Variants in HDAC9 observed in about 807,000 individuals in gnomAD.
HDAC9 encodes MEF-2 interacting transcription repressor (MITR) protein.
HDAC9 carries 41 observed loss-of-function variants against 139.4 expected under a neutral mutation model. That is an observed-to-expected ratio of 0.29 (90% confidence interval 0.23 to 0.38). The LOEUF (loss-of-function observed/expected upper bound fraction) is 0.38. HDAC9 is among the 10% of genes least tolerant of loss of function. The probability of loss-of-function intolerance (pLI) is 1.00; values close to 1 mark genes in which losing one functional copy is unlikely to be tolerated. For synonymous variants in HDAC9, 517 were observed against 476.2 expected, an observed-to-expected ratio of 1.09 and a Z score of -1.12; for missense variants, 1,147 against 1,297.0, an observed-to-expected ratio of 0.88 and a Z score of 1.78.
At chr7:18,653,239 C>CA (rs397971219) in intron 11 of HDAC9, among the ~76,000 whole-genome samples, 30,994 of 81,852 alleles carry the variant, frequency 0.38, 4,748 homozygotes, top group East Asian at 0.62. Flanking sequence ...AACTCCATCT[C>CA]AAAAAAAAAA....
At chr7:18,987,349 G>A (rs1272605111) in intron 25 of HDAC9, among the ~76,000 whole-genome samples, 1 of 152,166 alleles carries the variant, frequency 6.6e-6, no homozygotes, top group African/African-American at 2.4e-5. Flanking sequence ...CTTTGGTTCT[G>A]TTTATATGCT....
chr7:18,186,441 G>T (rs939821682), intron 2 of HDAC9, among the ~76,000 whole-genome samples: 2 of 152,210 alleles, frequency 1.3e-5, no homozygotes, highest in African/African-American at 4.8e-5. Flanking sequence ...GTGCTTTCTG[G>T]TGCTGGTTGG....
At chr7:18,756,490 T>C (rs1788888537) in intron 14 of HDAC9, among the ~76,000 whole-genome samples, 1 of 152,232 alleles carries the variant, frequency 6.6e-6, no homozygotes, top group Admixed American at 6.5e-5. Flanking sequence ...TCAGGTTTCC[T>C]GTTTGGCCTC....
chr7:18,855,251 A>T (rs1797590629), intron 21 of HDAC9, among the ~76,000 whole-genome samples: 1 of 152,114 alleles, frequency 6.6e-6, no homozygotes, highest in Admixed American at 6.6e-5. Context: ...TTTTCCAAAT[A>T]TACACCCCCT....
chr7:18,844,594 CTT>C (rs1369918012), intron 21 of HDAC9, among the ~76,000 whole-genome samples: 1 of 152,086 alleles, frequency 6.6e-6, no homozygotes. Context: ...GTTCTTAACT[CTT>C]TTAAAATTAA....
intron 1 of HDAC9, among the ~76,000 whole-genome samples, chr7:18,088,760 A>G (rs1181435875): frequency 1.3e-5 from 2 of 152,242 alleles, no homozygotes; most frequent in Non-Finnish European, 2.9e-5. Context: ...CCACTGTTCC[A>G]GTTTGGACCA....
chr7:18,816,297 A>G lies in HDAC9; in HGVS notation c.2323-12864A>G, dbSNP rs114892920. Among the ~76,000 whole-genome samples the G allele has an allele frequency of 8.8e-3, 1,337 of 152,352 alleles. 27 individuals carry two copies. The highest frequency in any genetic ancestry group is 0.031 in the African/African-American group (1,276 of 41,588). ...GTTAGGAAGGAAGCATTCAACTTTC[A>G]TATTATTGTTGCCATAATATAAATC... On this transcript the variant is annotated intron_variant, in intron 17 of 25. Transcript: ENST00000686413.
intron 2 of HDAC9, among the ~76,000 whole-genome samples, chr7:18,254,371 T>C (rs1179857463): frequency 6.6e-6 from 1 of 152,214 alleles, no homozygotes; most frequent in East Asian, 1.9e-4. Context: ...GTATGAATAG[T>C]GGACATAATG....
chr7:18,798,997 A>C (rs1195571841), intron 17 of HDAC9, among the ~76,000 whole-genome samples: 1 of 151,506 alleles, frequency 6.6e-6, no homozygotes, highest in Non-Finnish European at 1.5e-5. Flanking sequence ...AGGTCCGGGT[A>C]GAGTTGTCAG....
intron 1 of HDAC9, among the ~76,000 whole-genome samples, chr7:18,153,559 T>C: frequency 6.6e-6 from 1 of 152,146 alleles, no homozygotes; most frequent in East Asian, 1.9e-4. Flanking sequence ...GTACTTTCAA[T>C]TCCTCATCTG....
chr7:18,385,457 A>G (rs1395197937), intron 1 of HDAC9, among the ~76,000 whole-genome samples: 1 of 152,236 alleles, frequency 6.6e-6, no homozygotes, highest in Non-Finnish European at 1.5e-5. Context: ...CCACTAAAGT[A>G]AATCTGAGTG....
intron 12 of HDAC9, among the ~76,000 whole-genome samples, chr7:18,713,141 A>G (rs1287905625): frequency 6.6e-6 from 1 of 152,252 alleles, no homozygotes; most frequent in Non-Finnish European, 1.5e-5. Context: ...TTTTGTGGGC[A>G]GTGACCACTA....
intron 19 of HDAC9, 61 bp from the exon 20 acceptor site, chr7:18,835,406 G>A (rs1315183915): frequency 2.6e-6 from 4 of 1,519,628 alleles, no homozygotes; most frequent in African/African-American, 1.4e-5. Context: ...AAATCAGAAA[G>A]GTTGTCTCCA....
At chr7:18,533,390 G>C (rs182968057) in intron 2 of HDAC9, among the ~76,000 whole-genome samples, 3 of 151,908 alleles carry the variant, frequency 2.0e-5, no homozygotes, top group African/African-American at 7.2e-5. Context: ...TTTTATTTTT[G>C]TTTTAATTTT....
chr7:18,770,471 A>T (rs886198767), intron 16 of HDAC9, among the ~76,000 whole-genome samples: 1 of 152,044 alleles, frequency 6.6e-6, no homozygotes, highest in Admixed American at 6.6e-5. Context: ...TGGCCATCTG[A>T]CCTGCTGCTG....
At chr7:18,168,895 T>TGTGTG (rs1344936412) in intron 2 of HDAC9, among the ~76,000 whole-genome samples, 1,827 of 116,794 alleles carry the variant, frequency 0.016, 8 homozygotes, top group African/African-American at 0.021. Context: ...TTTTTTTTTT[T>TGTGTG]TTTGTGTGTG....
In HDAC9 at chr7:18,788,955, A is replaced by G. The variant is rs574843440; in HGVS notation, c.2215-4390A>G. 2.3e-4 allele frequency among the ~76,000 whole-genome samples: 35 copies of G among 152,112 alleles called. 1 individual carries two copies. The South Asian group carries it at 5.2e-3, about 23-fold the overall frequency. ...GGATTTTAGGTTTTCCTTCCACTCA[A>G]TGTATTCTATATGTACCCTAATCAA... On this transcript the variant is annotated intron_variant, in intron 16 of 25. Transcript: ENST00000686413.
chr7:18,710,768 T>C (rs1179844815), intron 12 of HDAC9, among the ~76,000 whole-genome samples: 1 of 152,178 alleles, frequency 6.6e-6, no homozygotes, highest in African/African-American at 2.4e-5. Flanking sequence ...GGAAAGCCGC[T>C]GAAGTTTAAA....
At chr7:18,876,534 C>T (rs1285884716) in intron 22 of HDAC9, among the ~76,000 whole-genome samples, 2 of 152,106 alleles carry the variant, frequency 1.3e-5, no homozygotes, top group South Asian at 2.1e-4. Context: ...GTAGTTGAAA[C>T]TCTTCACATA....
Sources: gnomAD v4.1 joint callset for allele counts (sites outside exome capture counted in the v4.1 genomes callset) on GRCh38, gnomAD v4.1.1 for gene constraint, MANE v1.5 for transcripts, NCBI Gene and HGNC (gene_info 2026-07-23, HGNC 2026-07-21) for gene names.